ARL15: variants seen among roughly 807,000 people sequenced by gnomAD.
The protein encoded by ARL15 is ADP-ribosylation factor-like protein 15.
Under a neutral mutation model 25.2 loss-of-function variants are expected in ARL15, and 19 were observed. That is an observed-to-expected ratio of 0.75 (90% CI 0.53 to 1.10). The LOEUF (loss-of-function observed/expected upper bound fraction) is 1.10, where lower values mean the gene tolerates loss of function less well. Ranked by LOEUF, ARL15 falls within the 50% of genes least tolerant of loss-of-function variation. The probability of loss-of-function intolerance (pLI) is 0.00; values close to 1 mark genes in which losing one functional copy is unlikely to be tolerated. For synonymous variants in ARL15, 94 were observed against 86.8 expected, an observed-to-expected ratio of 1.08 and a Z score of -0.46; for missense variants, 220 against 246.0, an observed-to-expected ratio of 0.89 and a Z score of 0.71.
intron 4 of ARL15, among the ~76,000 whole-genome samples, chr5:54,033,974 C>T (rs1249504881): frequency 1.2e-4 from 19 of 152,016 alleles, no homozygotes; most frequent in Admixed American, 4.6e-4. Context: ...CCACCATGCC[C>T]GGCTAATTTT....
intron 1 of ARL15, among the ~76,000 whole-genome samples, chr5:54,210,674 TTTGTTGCAG>T (rs1168843609): frequency 6.6e-6 from 1 of 152,220 alleles, no homozygotes; most frequent in Admixed American, 6.5e-5. Context: ...CAAAGGAAGT[TTTGTTGCAG>T]TTGTTGCTGC....
chr5:53,968,778 G>A (rs1485350675), intron 4 of ARL15, among the ~76,000 whole-genome samples: 1 of 151,772 alleles, frequency 6.6e-6, no homozygotes, highest in Non-Finnish European at 1.5e-5. Flanking sequence ...CAAAGTGCTG[G>A]GATTACAGGC....
At chr5:54,010,072 A>G (rs1043931196) in intron 4 of ARL15, among the ~76,000 whole-genome samples, 15 of 152,174 alleles carry the variant, frequency 9.9e-5, no homozygotes, top group African/African-American at 3.6e-4. Context: ...TTTTGAAGCG[A>G]TTTGCATTCT....
At chr5:54,130,273 T>A (rs1046164786) in intron 3 of ARL15, among the ~76,000 whole-genome samples, 5 of 152,104 alleles carry the variant, frequency 3.3e-5, no homozygotes, top group African/African-American at 1.2e-4. Context: ...AAATATTAAA[T>A]CAAAATATAT....
At chr5:54,226,756 CTT>C (rs1264112112) in intron 1 of ARL15, among the ~76,000 whole-genome samples, 2 of 152,182 alleles carry the variant, frequency 1.3e-5, no homozygotes, top group South Asian at 2.1e-4. Flanking sequence ...GGACCTGACT[CTT>C]TGTTCTTCAA....
At chr5:54,156,832 T>C (rs1450464196) in intron 2 of ARL15, among the ~76,000 whole-genome samples, 2 of 152,188 alleles carry the variant, frequency 1.3e-5, no homozygotes, top group Admixed American at 6.5e-5. Flanking sequence ...GGCAGTCCCA[T>C]GTGGCTGAAA....
At chr5:54,016,127 G>A (rs1208066617) in intron 4 of ARL15, among the ~76,000 whole-genome samples, 1 of 152,030 alleles carries the variant, frequency 6.6e-6, no homozygotes, top group East Asian at 1.9e-4. Context: ...TAATTAAAGT[G>A]GTTTTTCTCC....
At chr5:53,917,048 T>C (rs574237742) in intron 4 of ARL15, among the ~76,000 whole-genome samples, 2 of 152,324 alleles carry the variant, frequency 1.3e-5, no homozygotes, top group African/African-American at 4.8e-5. Context: ...CTTTTCTTGC[T>C]GGAGAACAAA....
intron 4 of ARL15, among the ~76,000 whole-genome samples, chr5:53,894,708 T>G (rs1744818311): frequency 6.6e-6 from 1 of 152,174 alleles, no homozygotes; most frequent in Admixed American, 6.5e-5. Context: ...CCTGAGGGAT[T>G]CCTGCATCCA....
intron 4 of ARL15, among the ~76,000 whole-genome samples, chr5:53,916,305 A>AAAG (rs33978035): frequency 7.5e-4 from 114 of 151,148 alleles, no homozygotes; most frequent in African/African-American, 2.2e-3. Flanking sequence ...AAAAAAAAAA[A>AAAG]AGAGAAATAG....
chr5:54,002,500 A>C (rs1397263871), intron 4 of ARL15, among the ~76,000 whole-genome samples: 1 of 152,206 alleles, frequency 6.6e-6, no homozygotes, highest in Non-Finnish European at 1.5e-5. Context: ...GTAATAATCT[A>C]AGAGGGACCA....
intron 1 of ARL15, among the ~76,000 whole-genome samples, chr5:54,267,225 G>A (rs895017920): frequency 4.6e-5 from 7 of 152,172 alleles, no homozygotes; most frequent in Non-Finnish European, 8.8e-5. Flanking sequence ...CTGAGTAGCT[G>A]AGACTACAGG....
intron 4 of ARL15, among the ~76,000 whole-genome samples, chr5:54,094,753 G>A (rs1456323169): frequency 6.6e-6 from 1 of 152,118 alleles, no homozygotes; most frequent in Non-Finnish European, 1.5e-5. Flanking sequence ...CTACATCCAG[G>A]ACACAATGCA....
intron 4 of ARL15, among the ~76,000 whole-genome samples, chr5:54,043,308 T>A (rs1339468014): frequency 1.3e-5 from 2 of 152,188 alleles, no homozygotes; most frequent in African/African-American, 4.8e-5. Flanking sequence ...TTATTTATAT[T>A]TTTATCTCCA....
At chr5:53,895,224 G>T (rs992520492) in intron 4 of ARL15, among the ~76,000 whole-genome samples, 4 of 152,202 alleles carry the variant, frequency 2.6e-5, no homozygotes, top group African/African-American at 9.6e-5. Flanking sequence ...ACCTCAAATT[G>T]CTAGACTTCC....
intron 3 of ARL15, chr5:54,154,347 A>G (rs1754156699): frequency 2.6e-6 from 1 of 381,998 alleles, no homozygotes. Context: ...TGCCAATAAT[A>G]GTGTAATTCT....
At chr5:54,113,061 T>C in intron 4 of ARL15, 141 bp downstream of exon 4, 1 of 802,314 alleles carries the variant, frequency 1.2e-6, no homozygotes, top group Non-Finnish European at 1.9e-6. Context: ...ATAGGCTTTC[T>C]GCTTCCTATG....
At chr5:54,302,991 C>A (rs1455396731) in intron 1 of ARL15, among the ~76,000 whole-genome samples, 1 of 152,100 alleles carries the variant, frequency 6.6e-6, no homozygotes, top group Non-Finnish European at 1.5e-5. Flanking sequence ...TGGGAAGTAT[C>A]AGAGGAAATT....
chr5:53,936,262 T>C lies in ARL15; in HGVS notation c.463-49549A>G, dbSNP rs553729897. Among the ~76,000 whole-genome samples the C allele has an allele frequency of 2.6e-5, 4 of 152,332 alleles. No homozygotes were observed. In the East Asian group the frequency reaches 5.8e-4, roughly 22 times the overall value. ...TTTCACACTTTCACATTTCGTACTT[T>C]ATGTTTTTTGTGCATTTATCCTCAC... On this transcript the variant is annotated intron_variant, in intron 4 of 4. Coordinates refer to ENST00000504924, the MANE Select transcript of ARL15 (RefSeq NM_019087.3).
Sources: gnomAD v4.1 joint callset for allele counts (sites outside exome capture counted in the v4.1 genomes callset) on GRCh38, gnomAD v4.1.1 for gene constraint, MANE v1.5 for transcripts, NCBI Gene and HGNC (gene_info 2026-07-23, HGNC 2026-07-21) for gene names.